LY75: variants seen among roughly 807,000 people sequenced by gnomAD.
The protein encoded by LY75 is lymphocyte antigen 75.
In LY75, 185 loss-of-function variants were observed where a neutral mutation model predicts 231.7. The ratio of observed to expected loss-of-function variants is 0.80; its 90% CI spans 0.71 to 0.90. LY75 has a LOEUF of 0.90. Ranked by LOEUF, LY75 falls within the 40% of genes least tolerant of loss-of-function variation. LY75 has a pLI of 0.00. For missense variants in LY75, 1,947 were observed against 2,050.2 expected (o/e 0.95, Z 0.97); for synonymous variants, 668 against 689.0 (o/e 0.97, Z 0.48).
chr2:159,854,823 GCTGGCA>G (rs1195398626), intron 17 of LY75, 75 bp downstream of exon 17: 15 of 1,558,946 alleles, frequency 9.6e-6, no homozygotes, highest in Middle Eastern at 1.7e-4. Context: ...TAGAGAAGAA[GCTGGCA>G]CTTAAATAAT....
intron 25 of LY75, among the ~76,000 whole-genome samples, chr2:159,838,129 G>A (rs72967450): frequency 0.25 from 37,895 of 151,994 alleles, 6,215 homozygotes; most frequent in Non-Finnish European, 0.37. Context: ...AGCTGCTTGC[G>A]TCCTCCCCGG....
intron 33 of LY75, chr2:159,807,587 C>G: frequency 1.0e-6 from 1 of 982,900 alleles, no homozygotes; most frequent in Non-Finnish European, 1.2e-6. Context: ...CCACCTTTCT[C>G]CCACACCACC....
At chr2:159,895,823 C>T (rs572486450) in intron 2 of LY75, among the ~76,000 whole-genome samples, 32 of 152,326 alleles carry the variant, frequency 2.1e-4, no homozygotes, top group African/African-American at 7.5e-4. Flanking sequence ...AGCATACAAC[C>T]ACCACACCAG....
rs1560094906 is a variant in LY75, at chr2:159,875,488, G to A, written c.1930C>T (p.Pro644Ser). The A allele has an allele frequency of 3.1e-6, 5 of 1,614,026 alleles. No homozygotes were observed. The highest frequency in any genetic ancestry group is 3.4e-6 in the Non-Finnish European group (4 of 1,179,980). The change falls in exon 12 of 35, where the codon CCT (proline) becomes TCT (serine). Residue 644 changes from proline to serine, a missense_variant. Pro to Ser is a moderately conservative substitution (Grantham distance 74). Coordinates refer to ENST00000263636, the MANE Select transcript of LY75 (RefSeq NM_002349.4). ...GCGGGGAAACTCTGCCAGCCTTCAG[G>A]ACAGGGGTCATCAGGCTTAGGGGAT... The part of the protein sequence containing the change: ...EASPKPDDPC[P>S]EGWQSFPASL...
Position 159,840,980 on chromosome 2 carries a change from A to T in LY75, c.3281-25T>A, listed in dbSNP as rs749975860. On this transcript the variant is annotated intron_variant, in intron 24 of 34. Coordinates refer to ENST00000263636, the MANE Select transcript of LY75 (RefSeq NM_002349.4). ...TCTGCATGTAAAAGAAAACAACAACAACAACAAACCCTTCCCCACACTCTG... is the reference window on the plus strand; with the variant it reads ...TCTGCATGTAAAAGAAAACAACAACTACAACAAACCCTTCCCCACACTCTG... 15 of 1,609,710 alleles carry T rather than the reference A, an allele frequency of 9.3e-6. No homozygotes were observed. The South Asian group carries it at 1.6e-4, about 18-fold the overall frequency.
intron 25 of LY75, among the ~76,000 whole-genome samples, chr2:159,837,630 C>T (rs923584091): frequency 7.1e-6 from 1 of 140,560 alleles, no homozygotes; most frequent in Non-Finnish European, 1.5e-5. Context: ...TGTGTACCCC[C>T]TGAATCTTAA....
rs537442739 is a variant in LY75 at position 159,853,317 on chromosome 2, A to G, written c.2699T>C (p.Phe900Ser). ...AGACATGTACAAGCATTCCTCTCCA[A>G]ATGTCACAGGAAAGCGGTGCCATGG... The part of the protein sequence containing the change: ...RYPWHRFPVT[F>S]GEECLYMSAK... The change falls in exon 20 of 35, where the codon TTT becomes TCT. Residue 900 changes from phenylalanine (F) to serine (S), a missense_variant. Physicochemically the swap from Phe to Ser is radical, Grantham distance 155. Coordinates refer to ENST00000263636, the MANE Select transcript of LY75 (RefSeq NM_002349.4). 7 of 1,613,684 alleles carry G rather than the reference A, an allele frequency of 4.3e-6. No individual in the cohort carries two copies. The highest frequency in any genetic ancestry group is 5.9e-6 in the Non-Finnish European group (7 of 1,179,704).
At position 159,904,643 on chromosome 2, in the gene LY75, G is replaced by A; in HGVS notation, c.40C>T (p.Leu14Phe). ...GWATPRRPAG[L>F]LMLLFWFFDL... ...AAGAACCAGAAGAGCAGCATGAGGA[G>A]CCCCGCCGGGCGGCGAGGGGTCGCC... The change falls in exon 1 of 35, where the codon CTC becomes TTC. Residue 14 changes from leucine to phenylalanine, a missense_variant. Physicochemically the swap from Leu to Phe is conservative, Grantham distance 22 (BLOSUM62 0). Coordinates refer to ENST00000263636, the MANE Select transcript of LY75 (RefSeq NM_002349.4). The A allele has an allele frequency of 1.3e-6, 2 of 1,494,790 alleles. No homozygotes were observed. The highest frequency in any genetic ancestry group is 2.9e-5 in the African/African-American group (2 of 68,792). The allele number at this position is 1,494,790 out of a possible 1,614,324, so 92.6% of individuals were successfully genotyped here. A position where few individuals can be genotyped will look rare whatever the true frequency, so the allele number is the denominator to read the frequency against.
intron 4 of LY75, 115 bp downstream of exon 4, chr2:159,890,098 C>T: frequency 7.3e-7 from 1 of 1,370,096 alleles, no homozygotes; most frequent in African/African-American, 1.5e-5. Context: ...AGTTTAAATC[C>T]CAAGAGAGGT....
At chr2:159,876,904 G>C (rs1301433557) in intron 11 of LY75, among the ~76,000 whole-genome samples, 1 of 150,398 alleles carries the variant, frequency 6.6e-6, no homozygotes, top group Non-Finnish European at 1.5e-5. Context: ...AGCTACTTGG[G>C]AGGCTGAGGC....
intron 31 of LY75, among the ~76,000 whole-genome samples, chr2:159,811,909 T>C (rs774384525): frequency 2.0e-5 from 3 of 152,356 alleles, no homozygotes; most frequent in Non-Finnish European, 4.4e-5. Flanking sequence ...CAAATTCATC[T>C]ATACAATCTA....
At chr2:159,877,529 T>G (rs750989914) in intron 11 of LY75, among the ~76,000 whole-genome samples, 14 of 152,140 alleles carry the variant, frequency 9.2e-5, no homozygotes, top group Non-Finnish European at 1.9e-4. Context: ...TATGGCAAAT[T>G]ATGGTCAATG....
Position 159,840,909 on chromosome 2 carries a change from C to T in LY75, c.3327G>A (p.Lys1109=). Residue 1109 remains lysine (K), a synonymous_variant, in exon 25 of 35, where the codon AAG becomes AAA. Transcript: ENST00000263636. ...QTLQNASETV[K]YLNNLYKIIP... ...TTATTTTGTACAGATTATTTAGATA[C>T]TTTACAGTTTCTGAAGCATTCTGCA... 1.9e-6 allele frequency: 3 copies of T among 1,614,012 alleles called. No individual in the cohort carries two copies. The highest frequency in any genetic ancestry group is 2.5e-6 in the Non-Finnish European group (3 of 1,179,948).
At chr2:159,817,321 C>T (rs895041668) in intron 29 of LY75, among the ~76,000 whole-genome samples, 1 of 152,088 alleles carries the variant, frequency 6.6e-6, no homozygotes, top group African/African-American at 2.4e-5. Context: ...AACTGTTAAC[C>T]AGTAGGGTAT....
chr2:159,874,223 A>AATGTATTGTAAATAT (rs1560093258), intron 12 of LY75, among the ~76,000 whole-genome samples: 1 of 25,952 alleles, frequency 3.9e-5, no homozygotes, highest in African/African-American at 8.0e-5. Context: ...AATATATATA[A>AATGTATTGTAAATAT]ATATATTGTA....
At chr2:159,874,659 T>TATATGTAA (rs1685177411) in intron 12 of LY75, among the ~76,000 whole-genome samples, 3 of 72,022 alleles carry the variant, frequency 4.2e-5, no homozygotes, top group African/African-American at 1.5e-4. Context: ...ATTTTGTAAA[T>TATATGTAA]ATATATATAT....
chr2:159,897,932 T>C (rs1321075884), intron 2 of LY75, among the ~76,000 whole-genome samples: 2 of 152,200 alleles, frequency 1.3e-5, no homozygotes, highest in Non-Finnish European at 2.9e-5. Context: ...ATTAATATAC[T>C]TATTTTCGGA....
At chr2:159,841,117 A>G in intron 24 of LY75, 162 bp from the exon 25 acceptor site, 1 of 634,876 alleles carries the variant, frequency 1.6e-6, no homozygotes, top group African/African-American at 2.0e-5. Context: ...CTTGCTGTAT[A>G]CCTTAAGGAA....
intron 11 of LY75, 98 bp from the exon 12 acceptor site, chr2:159,875,741 A>G: frequency 1.4e-6 from 2 of 1,422,548 alleles, no homozygotes; most frequent in South Asian, 1.4e-5. Flanking sequence ...TTGGGGAGAG[A>G]GAATAAAAAA....
Sources: gnomAD v4.1 joint callset for allele counts (sites outside exome capture counted in the v4.1 genomes callset) on GRCh38, gnomAD v4.1.1 for gene constraint, MANE v1.5 for transcripts, NCBI Gene and HGNC (gene_info 2026-07-23, HGNC 2026-07-21) for gene names.